The following ULK4 variants were observed in gnomAD, a reference collection of about 807,000 sequenced individuals.
ULK4 encodes unc-51 like kinase 4.
Under a neutral mutation model 160.6 loss-of-function variants are expected in ULK4, and 133 were observed. The observed-to-expected ratio is 0.83, with a 90% CI of 0.72 to 0.96. ULK4 has a LOEUF of 0.96. ULK4 is among the 40% of genes least tolerant of loss of function. The probability of loss-of-function intolerance (pLI) is 0.00; values close to 1 mark genes in which losing one functional copy is unlikely to be tolerated. For synonymous variants in ULK4, 534 were observed against 539.8 expected, an observed-to-expected ratio of 0.99 and a Z score of 0.15; for missense variants, 1,580 against 1,499.5, an observed-to-expected ratio of 1.05 and a Z score of -0.89.
intron 32 of ULK4, among the ~76,000 whole-genome samples, chr3:41,559,964 T>A (rs909455418): frequency 2.6e-5 from 4 of 152,346 alleles, no homozygotes; most frequent in African/African-American, 7.2e-5. Flanking sequence ...CTAAATGGTA[T>A]TGCCTAGGTT....
chr3:41,507,105 A>G (rs544126684), intron 32 of ULK4, among the ~76,000 whole-genome samples: 40 of 146,328 alleles, frequency 2.7e-4, no homozygotes, highest in African/African-American at 9.8e-4. Flanking sequence ...TAACAATAAA[A>G]AGGTAGACAA....
At chr3:41,451,515 T>C (rs753199370) in intron 34 of ULK4, among the ~76,000 whole-genome samples, 1 of 151,868 alleles carries the variant, frequency 6.6e-6, no homozygotes. Flanking sequence ...CCAGGTATCA[T>C]CTCATTTAAT....
At chr3:41,883,974 G>A (rs1252099229) in intron 16 of ULK4, 22 bp from the exon 17 acceptor site, 1 of 1,560,208 alleles carries the variant, frequency 6.4e-7, no homozygotes, top group Non-Finnish European at 8.8e-7. Context: ...GAGAAAACAG[G>A]CTCTGAAAAG....
rs569814551 is a variant in ULK4 at position 41,855,804 on chromosome 3, A to C, written c.1657-19833T>G. Among the ~76,000 whole-genome samples the C allele has an allele frequency of 1.1e-4, 17 of 152,282 alleles. 1 individual carries two copies. In the South Asian group the frequency reaches 3.5e-3, roughly 32 times the overall value. ...TGTTTCCATGTTTCTTTCATCTAGT[A>C]GAAAATTAAATGTGATGCTTTGCTA... On this transcript the variant is annotated intron_variant, in intron 17 of 36. Coordinates refer to ENST00000301831, the MANE Select transcript of ULK4 (RefSeq NM_017886.4).
intron 18 of ULK4, among the ~76,000 whole-genome samples, chr3:41,827,905 A>T (rs1682197357): frequency 6.6e-6 from 1 of 152,050 alleles, no homozygotes; most frequent in South Asian, 2.1e-4. Context: ...CCCCAATAAA[A>T]TACGGGCAAA....
chr3:41,387,857 A>G (rs1246977761), intron 35 of ULK4, among the ~76,000 whole-genome samples: 1 of 152,222 alleles, frequency 6.6e-6, no homozygotes, highest in Non-Finnish European at 1.5e-5. Flanking sequence ...TCTTCATAGC[A>G]GCATGATTTA....
chr3:41,620,705 C>T (rs537160776), intron 30 of ULK4, among the ~76,000 whole-genome samples: 1 of 152,012 alleles, frequency 6.6e-6, no homozygotes, highest in South Asian at 2.1e-4. Flanking sequence ...AAAACCGGCA[C>T]AAGACAAGGA....
At chr3:41,703,858 ACACACACACACACAC>A (rs2036769322) in intron 27 of ULK4, among the ~76,000 whole-genome samples, 1 of 151,084 alleles carries the variant, frequency 6.6e-6, no homozygotes, top group African/African-American at 2.5e-5. Flanking sequence ...ACACACACAC[ACACACACACACACAC>A]ACAAGTTAAC....
At chr3:41,679,235 G>A (rs767579454) in intron 29 of ULK4, among the ~76,000 whole-genome samples, 12 of 151,976 alleles carry the variant, frequency 7.9e-5, no homozygotes, top group Non-Finnish European at 1.3e-4. Context: ...TAACAGTCAC[G>A]GTGCTAAACA....
intron 31 of ULK4, among the ~76,000 whole-genome samples, chr3:41,586,581 T>C (rs549183761): frequency 6.6e-6 from 1 of 152,192 alleles, no homozygotes; most frequent in South Asian, 2.1e-4. Context: ...TGTATAACAA[T>C]GTGAATATAC....
intron 35 of ULK4, among the ~76,000 whole-genome samples, chr3:41,288,679 G>C (rs1575398401): frequency 6.6e-6 from 1 of 152,142 alleles, no homozygotes; most frequent in African/African-American, 2.4e-5. Context: ...ATCTGACTTA[G>C]TGTTTTTGTT....
intron 32 of ULK4, among the ~76,000 whole-genome samples, chr3:41,464,841 T>C (rs2083786525): frequency 6.6e-6 from 1 of 152,194 alleles, no homozygotes; most frequent in African/African-American, 2.4e-5. Flanking sequence ...AGAGCACCCA[T>C]CTACATACTG....
intron 31 of ULK4, among the ~76,000 whole-genome samples, chr3:41,574,216 G>A (rs2088102969): frequency 6.6e-6 from 1 of 152,098 alleles, no homozygotes; most frequent in Admixed American, 6.6e-5. Flanking sequence ...AAACTCAATG[G>A]AATCTAAATT....
chr3:41,650,778 C>T (rs1341846143), intron 30 of ULK4, among the ~76,000 whole-genome samples: 2 of 152,188 alleles, frequency 1.3e-5, no homozygotes, highest in Non-Finnish European at 2.9e-5. Context: ...GCAAAAGCAA[C>T]ACCCTAAGGA....
intron 25 of ULK4, among the ~76,000 whole-genome samples, chr3:41,706,900 T>TAGAGAGAG (rs1553637616): frequency 0.031 from 4,195 of 136,338 alleles, 241 homozygotes; most frequent in African/African-American, 0.11. Context: ...TATATATATA[T>TAGAGAGAG]AGAGAGAGAG....
chr3:41,409,497 T>C (rs1007118516), intron 34 of ULK4, among the ~76,000 whole-genome samples: 2 of 152,226 alleles, frequency 1.3e-5, no homozygotes, highest in Admixed American at 6.5e-5. Flanking sequence ...AAGGGACTTG[T>C]ATATACATGA....
chr3:41,458,966 G>C (rs946123157), intron 33 of ULK4, among the ~76,000 whole-genome samples: 3 of 152,072 alleles, frequency 2.0e-5, no homozygotes, highest in Non-Finnish European at 2.9e-5. Context: ...ATGTTGGCCA[G>C]GCTGCTCTCA....
chr3:41,569,694 G>A (rs758618688), intron 31 of ULK4, among the ~76,000 whole-genome samples: 38 of 151,844 alleles, frequency 2.5e-4, no homozygotes, highest in African/African-American at 7.7e-4. Flanking sequence ...CTTTTACACC[G>A]TGTCCTCTCT....
chr3:41,590,461 C>CAAAAA (rs71075479), intron 31 of ULK4, among the ~76,000 whole-genome samples: 14 of 56,918 alleles, frequency 2.5e-4, no homozygotes, highest in East Asian at 5.5e-4. Flanking sequence ...ACTAAAAATA[C>CAAAAA]AAAAAAAAAA....
Sources: gnomAD v4.1 joint callset for allele counts (sites outside exome capture counted in the v4.1 genomes callset) on GRCh38, gnomAD v4.1.1 for gene constraint, MANE v1.5 for transcripts, NCBI Gene and HGNC (gene_info 2026-07-23, HGNC 2026-07-21) for gene names.